GAPVD1: variants seen among roughly 807,000 people sequenced by gnomAD.
GAPVD1 encodes the protein GTPase activating protein and VPS9 domains 1.
In GAPVD1, 35 loss-of-function variants were observed where a neutral mutation model predicts 155.5. The observed-to-expected ratio is 0.23, with a 90% CI of 0.17 to 0.30. The LOEUF is 0.30. Among genes scored for constraint, GAPVD1 ranks in the 10% least tolerant of loss-of-function variants. GAPVD1 has a pLI of 1.00. For synonymous variants in GAPVD1, 636 were observed against 619.7 expected, an observed-to-expected ratio of 1.03 and a Z score of -0.39; for missense variants, 1,429 against 1,775.7, an observed-to-expected ratio of 0.80 and a Z score of 3.51.
intron 6 of GAPVD1, among the ~76,000 whole-genome samples, chr9:125,305,491 C>G (rs1841633244): frequency 6.6e-6 from 1 of 151,468 alleles, no homozygotes; most frequent in Non-Finnish European, 1.5e-5. Context: ...CTGCCTCAGC[C>G]TCCCCAGTAA....
intron 4 of GAPVD1, among the ~76,000 whole-genome samples, chr9:125,301,420 G>T (rs1016492620): frequency 6.6e-6 from 1 of 151,822 alleles, no homozygotes; most frequent in African/African-American, 2.4e-5. Flanking sequence ...ACAGTTTTTA[G>T]GATCTACAAA....
chr9:125,333,739 C>T (rs868267374), intron 15 of GAPVD1, among the ~76,000 whole-genome samples: 9 of 152,166 alleles, frequency 5.9e-5, no homozygotes, highest in South Asian at 4.1e-4. Flanking sequence ...CTGCCCGCCT[C>T]GGCCTCCCAA....
chr9:125,334,170 G>A lies in GAPVD1; in HGVS notation c.2428+1541G>A, dbSNP rs370423980. On this transcript the variant is annotated intron_variant, in intron 15 of 27. Transcript: ENST00000297933. ...TCAAAGTTAACTGTCCATTTTCACC[G>A]TGTCGACATTTGTACTTACGGTGCA... is the stretch of plus-strand genomic sequence containing the variant. Among the ~76,000 whole-genome samples, 41 of 151,416 alleles carry A rather than the reference G, an allele frequency of 2.7e-4. 1 individual carries two copies. In the South Asian group the frequency reaches 3.1e-3, roughly 11 times the overall value.
chr9:125,310,644 A>G lies in GAPVD1; in HGVS notation c.1442-1808A>G, dbSNP rs183429675. ...AACCTCTGCCTCCTGGGTTCAAGCC[A>G]TTCTCCTGCCTCAGCCTCCCAAGTA... On this transcript the variant is annotated intron_variant, in intron 8 of 27. Coordinates refer to ENST00000297933, the MANE Select transcript of GAPVD1 (RefSeq NM_001282680.3). Among the ~76,000 whole-genome samples, 1,402 of 147,174 alleles carry G rather than the reference A, an allele frequency of 9.5e-3. 26 individuals carry two copies. The highest frequency in any genetic ancestry group is 0.033 in the African/African-American group (1,329 of 39,678).
chr9:125,332,624 C>A lies in GAPVD1; in HGVS notation c.2423C>A (p.Thr808Asn). ...SVTSPDMDEI[T>N]HGAHQLTSPP... ...ACTAGTCCAGACATGGATGAAATAA[C>A]TCACGGTAAGAGGGGGAAATGAGGA... The change falls in exon 15 of 28, where the codon ACT becomes AAT. Residue 808 changes from threonine (T) to asparagine (N), a missense_variant. Coordinates refer to ENST00000297933, the MANE Select transcript of GAPVD1 (RefSeq NM_001282680.3). 1 of 1,608,054 alleles carries A rather than the reference C, an allele frequency of 6.2e-7. No homozygotes were observed. Among genetic ancestry groups the A allele is most frequent in the East Asian group, 2.2e-5 (1 of 44,830 alleles).
intron 2 of GAPVD1, among the ~76,000 whole-genome samples, chr9:125,283,933 C>T (rs1837214818): frequency 6.6e-6 from 1 of 151,014 alleles, no homozygotes; most frequent in African/African-American, 2.4e-5. Flanking sequence ...AGTGCAGTGG[C>T]ATGATCTCAG....
intron 18 of GAPVD1, 77 bp from the exon 19 acceptor site, chr9:125,342,142 A>G: frequency 1.4e-6 from 1 of 723,576 alleles, no homozygotes. Context: ...TTTCACTTAG[A>G]AATGTTGGCA....
chr9:125,272,093 G>A (rs998366924), intron 2 of GAPVD1, among the ~76,000 whole-genome samples: 4 of 151,576 alleles, frequency 2.6e-5, no homozygotes, highest in African/African-American at 9.7e-5. Flanking sequence ...GCATGATCTC[G>A]GCTCACTTCA....
At chr9:125,356,410 A>G (rs1327497068) in intron 25 of GAPVD1, among the ~76,000 whole-genome samples, 1 of 152,204 alleles carries the variant, frequency 6.6e-6, no homozygotes, top group Non-Finnish European at 1.5e-5. Context: ...TGCCAGTAAT[A>G]CCCCACCAGT....
At chr9:125,332,273 A>G (rs958205870) in intron 14 of GAPVD1, among the ~76,000 whole-genome samples, 4 of 152,156 alleles carry the variant, frequency 2.6e-5, no homozygotes, top group East Asian at 1.9e-4. Flanking sequence ...TCTCTCTACA[A>G]CTGTTTCTGT....
At chr9:125,348,349 A>G (rs1035046943) in intron 20 of GAPVD1, among the ~76,000 whole-genome samples, 2 of 151,892 alleles carry the variant, frequency 1.3e-5, no homozygotes, top group African/African-American at 4.8e-5. Flanking sequence ...TGAACACAAT[A>G]TATTTATTAT....
intron 18 of GAPVD1, 172 bp downstream of exon 18, chr9:125,341,436 T>G: frequency 1.9e-6 from 1 of 532,008 alleles, no homozygotes; most frequent in Admixed American, 3.7e-5. Flanking sequence ...AGGCAGAGCT[T>G]TAGAAATGTT....
chr9:125,287,395 G>A (rs985294479), intron 2 of GAPVD1, among the ~76,000 whole-genome samples: 1 of 152,106 alleles, frequency 6.6e-6, no homozygotes, highest in Non-Finnish European at 1.5e-5. Flanking sequence ...AAAATTAGCT[G>A]GGCATGGTGG....
At chr9:125,355,080 A>C (rs757418243) in intron 24 of GAPVD1, among the ~76,000 whole-genome samples, 3 of 152,182 alleles carry the variant, frequency 2.0e-5, no homozygotes, top group Non-Finnish European at 4.4e-5. Context: ...TTTTGGATCT[A>C]TACAAATTTT....
intron 2 of GAPVD1, among the ~76,000 whole-genome samples, chr9:125,285,200 A>T (rs1837448526): frequency 6.6e-6 from 1 of 152,212 alleles, no homozygotes. Flanking sequence ...TAAACAAGTG[A>T]GTATGGCTTC....
intron 10 of GAPVD1, 30 bp downstream of exon 10, chr9:125,321,592 G>A (rs914911369): frequency 5.6e-6 from 9 of 1,595,716 alleles, no homozygotes; most frequent in Middle Eastern, 1.7e-4. Context: ...AAGGAGTTGT[G>A]TGGTTCAATT....
intron 12 of GAPVD1, among the ~76,000 whole-genome samples, chr9:125,327,633 A>T (rs947813249): frequency 9.9e-5 from 15 of 152,092 alleles, no homozygotes; most frequent in African/African-American, 3.6e-4. Context: ...CCTCCCGAGT[A>T]GCTGGGACTG....
At position 125,362,602 on chromosome 9, in the gene GAPVD1, C is replaced by G. The variant is rs2132765645; in HGVS notation, c.4243-4C>G. Reference sequence around the variant, plus strand: ...TGATTCTTTTTTATTTTTCACTTCTCTAGGCAAATCCACCCTGTTTGCTGT... The same window carrying G: ...TGATTCTTTTTTATTTTTCACTTCTGTAGGCAAATCCACCCTGTTTGCTGT... On this transcript the variant is annotated splice_polypyrimidine_tract_variant and splice_region_variant and intron_variant, in intron 27 of 27. Coordinates refer to ENST00000297933, the MANE Select transcript of GAPVD1 (RefSeq NM_001282680.3). 5.0e-6 allele frequency: 8 copies of G among 1,590,722 alleles called. No homozygotes were observed. Among genetic ancestry groups the G allele is most frequent in the Middle Eastern group, 1.7e-4 (1 of 5,996 alleles).
chr9:125,357,811 C>T (rs1055880595), intron 25 of GAPVD1, among the ~76,000 whole-genome samples: 5 of 151,976 alleles, frequency 3.3e-5, no homozygotes, highest in Non-Finnish European at 7.4e-5. Flanking sequence ...TGTGTCTGTA[C>T]TAAAAATACA....
Sources: allele counts gnomAD v4.1 joint callset (sites outside exome capture counted in the v4.1 genomes callset), GRCh38; gene constraint gnomAD v4.1.1; transcripts MANE v1.5; gene names NCBI Gene and HGNC (gene_info 2026-07-23, HGNC 2026-07-21).